Variants in CIROZ observed in about 807,000 individuals in gnomAD.
CIROZ encodes ciliated left-right organizer ZP-N domains-containing protein.
the CIROZ span, among the ~76,000 whole-genome samples, chr1:10,961,615 C>T: frequency 6.6e-6 from 1 of 152,150 alleles, no homozygotes; most frequent in Non-Finnish European, 1.5e-5. Context: ...CCCTCAGCAG[C>T]AGCACAGGGC....
chr1:10,958,534 A>T, the CIROZ span, among the ~76,000 whole-genome samples: 1 of 152,154 alleles, frequency 6.6e-6, no homozygotes, highest in Non-Finnish European at 1.5e-5. Flanking sequence ...CCTGGAGGGC[A>T]TCAGTGGGAG....
chr1:10,961,393 C>T, the CIROZ span, among the ~76,000 whole-genome samples: 5 of 152,100 alleles, frequency 3.3e-5, no homozygotes, highest in African/African-American at 1.2e-4. Flanking sequence ...TCCCGCTCAG[C>T]CCCTGCTCCT....
At chr1:10,951,124 G>A in the CIROZ span, among the ~76,000 whole-genome samples, 1 of 152,152 alleles carries the variant, frequency 6.6e-6, no homozygotes, top group Non-Finnish European at 1.5e-5. Flanking sequence ...ATTTCCATCA[G>A]TGAACCCGAC....
the CIROZ span, chr1:10,947,767 G>A: frequency 3.8e-6 from 6 of 1,597,500 alleles, no homozygotes; most frequent in South Asian, 1.1e-5. Flanking sequence ...AGCTCCTGCT[G>A]GAGTGAGGCC....
the CIROZ span, chr1:10,976,188 T>C: frequency 6.5e-7 from 1 of 1,536,882 alleles, no homozygotes; most frequent in South Asian, 1.2e-5. Flanking sequence ...GCTTGGCTTG[T>C]CCGTGTCTGA....
At chr1:10,957,933 C>T in the CIROZ span, among the ~76,000 whole-genome samples, 6 of 152,190 alleles carry the variant, frequency 3.9e-5, no homozygotes, top group Non-Finnish European at 5.9e-5. Flanking sequence ...GACGCTAGCA[C>T]GCTTATACTT....
the CIROZ span, among the ~76,000 whole-genome samples, chr1:10,961,491 G>T: frequency 7.2e-5 from 11 of 152,320 alleles, no homozygotes; most frequent in East Asian, 2.1e-3. Context: ...CTTCTGAGCT[G>T]GGCTGGTGCA....
chr1:10,970,126 A>G, the CIROZ span: 1 of 1,462,428 alleles, frequency 6.8e-7, no homozygotes, highest in Non-Finnish European at 9.1e-7. Flanking sequence ...GGAGGTGGGG[A>G]AGGGAGGGAG....
chr1:10,976,274 A>G, the CIROZ span: 1 of 1,510,062 alleles, frequency 6.6e-7, no homozygotes, highest in Admixed American at 2.0e-5. Flanking sequence ...AGAGGAGGGA[A>G]GGGGGTGGGG....
chr1:10,972,576 G>A, the CIROZ span, among the ~76,000 whole-genome samples: 1 of 152,106 alleles, frequency 6.6e-6, no homozygotes, highest in Non-Finnish European at 1.5e-5. Context: ...AAGGCACCTG[G>A]GCCCTGGAGT....
chr1:10,979,360 G>A, the CIROZ span, among the ~76,000 whole-genome samples: 3 of 152,072 alleles, frequency 2.0e-5, no homozygotes, highest in Non-Finnish European at 4.4e-5. Context: ...ATGACTGCAG[G>A]CAAGAACCTA....
chr1:10,947,615 A>G, the CIROZ span: 1 of 1,368,300 alleles, frequency 7.3e-7, no homozygotes, highest in Non-Finnish European at 9.6e-7. Flanking sequence ...TTTGCACTCT[A>G]CCTCCCCAGG....
the CIROZ span, chr1:10,954,281 T>G: frequency 2.0e-6 from 2 of 987,948 alleles, no homozygotes; most frequent in East Asian, 3.9e-5. Flanking sequence ...AGTGAAACCC[T>G]GTCTCTACTA....
the CIROZ span, chr1:10,966,627 A>G: frequency 6.4e-6 from 6 of 934,788 alleles, no homozygotes; most frequent in East Asian, 1.7e-4. Context: ...GTAATTTTTA[A>G]AAGTCTGGAA....
the CIROZ span, among the ~76,000 whole-genome samples, chr1:10,966,030 T>G: frequency 6.6e-6 from 1 of 152,130 alleles, no homozygotes; most frequent in African/African-American, 2.4e-5. Flanking sequence ...TGGGTGTGAC[T>G]GCCTCACCCC....
the CIROZ span, among the ~76,000 whole-genome samples, chr1:10,975,389 G>C: frequency 1.5e-5 from 2 of 130,856 alleles, no homozygotes; most frequent in Non-Finnish European, 3.2e-5. Context: ...TGGGCGACAA[G>C]AGCTAAGCTC....
the CIROZ span, among the ~76,000 whole-genome samples, chr1:10,976,979 G>A: frequency 6.6e-6 from 1 of 152,158 alleles, no homozygotes; most frequent in South Asian, 2.1e-4. Flanking sequence ...GCAACATGGT[G>A]AAACCCTGTC....
the CIROZ span, among the ~76,000 whole-genome samples, chr1:10,953,210 C>T: frequency 6.6e-6 from 1 of 152,168 alleles, no homozygotes; most frequent in African/African-American, 2.4e-5. Flanking sequence ...ATCATATCCT[C>T]GTGACAGGGC....
chr1:10,947,611 C>T, the CIROZ span: 7 of 1,373,928 alleles, frequency 5.1e-6, no homozygotes, highest in African/African-American at 1.5e-5. Flanking sequence ...ACCCTTTGCA[C>T]TCTACCTCCC....
Sources: gnomAD v4.1 joint callset for allele counts (sites outside exome capture counted in the v4.1 genomes callset) on GRCh38, gnomAD v4.1.1 for gene constraint, MANE v1.5 for transcripts, NCBI Gene and HGNC (gene_info 2026-07-23, HGNC 2026-07-21) for gene names.